SNTG1: variants seen among roughly 807,000 people sequenced by gnomAD.
SNTG1 encodes the protein gamma-1-syntrophin.
SNTG1 carries 39 observed loss-of-function variants against 74.7 expected under a neutral mutation model. That is an observed-to-expected ratio of 0.52 (90% CI 0.40 to 0.68). The LOEUF (loss-of-function observed/expected upper bound fraction) is 0.68, where lower values mean the gene tolerates loss of function less well. SNTG1 is among the 30% of genes least tolerant of loss of function. The pLI, the probability that SNTG1 is intolerant of heterozygous loss-of-function variation, is 0.00. For synonymous variants in SNTG1, 254 were observed against 217.1 expected (o/e 1.17, Z -1.49); for missense variants, 685 against 609.5 (o/e 1.12, Z -1.30).
Position 50,514,005 on chromosome 8 carries a change from C to T in SNTG1, c.466+11125C>T, listed in dbSNP as rs867546395. 1.1e-4 allele frequency among the ~76,000 whole-genome samples: 17 copies of T among 152,204 alleles called. No individual in the cohort carries two copies. In the East Asian group the frequency reaches 1.2e-3, roughly 10 times the overall value. ...CAGGAATCACCCGTCTTCTGCATCG[C>T]TCATGCTGGGAGCTGTAGACTGGAG... On this transcript the variant is annotated intron_variant, in intron 9 of 18. Coordinates refer to ENST00000642720, the MANE Select transcript of SNTG1 (RefSeq NM_018967.5).
At chr8:50,387,679 C>T (rs1232735332) in intron 2 of SNTG1, among the ~76,000 whole-genome samples, 3 of 152,116 alleles carry the variant, frequency 2.0e-5, no homozygotes, top group Non-Finnish European at 4.4e-5. Context: ...ACACGTATTT[C>T]CCAGAAGTCT....
intron 1 of SNTG1, among the ~76,000 whole-genome samples, chr8:49,977,638 G>A (rs1019519283): frequency 1.3e-5 from 2 of 152,218 alleles, no homozygotes; most frequent in Non-Finnish European, 2.9e-5. Context: ...GAAAGATGCT[G>A]ATGAAGATCC....
chr8:50,692,472 A>G (rs1278864732), intron 15 of SNTG1, among the ~76,000 whole-genome samples: 1 of 152,218 alleles, frequency 6.6e-6, no homozygotes, highest in African/African-American at 2.4e-5. Context: ...TCCAGCAGAC[A>G]GGACCCTTAG....
intron 1 of SNTG1, among the ~76,000 whole-genome samples, chr8:50,060,099 T>C (rs1313021828): frequency 6.6e-6 from 1 of 152,160 alleles, no homozygotes; most frequent in Non-Finnish European, 1.5e-5. Context: ...TCCTGATGGC[T>C]AATGATGGGA....
At chr8:50,543,575 A>G (rs1207638853) in intron 11 of SNTG1, among the ~76,000 whole-genome samples, 4 of 152,084 alleles carry the variant, frequency 2.6e-5, no homozygotes, top group Non-Finnish European at 5.9e-5. Flanking sequence ...TAGATGTAGC[A>G]CATTTAAAAA....
intron 13 of SNTG1, among the ~76,000 whole-genome samples, chr8:50,606,507 A>G (rs530339397): frequency 1.3e-5 from 2 of 152,126 alleles, no homozygotes; most frequent in South Asian, 2.1e-4. Flanking sequence ...ACAATAGACA[A>G]TTATGTTATC....
At chr8:50,570,691 C>G (rs2094544440) in intron 12 of SNTG1, among the ~76,000 whole-genome samples, 2 of 151,142 alleles carry the variant, frequency 1.3e-5, no homozygotes, top group Admixed American at 6.6e-5. Flanking sequence ...TGCAGCCTCT[C>G]CCTCCCAGGT....
rs549694072 is a variant in SNTG1 at position 49,956,697 on chromosome 8, T to C, written c.-103+44466T>C. 4.6e-5 allele frequency among the ~76,000 whole-genome samples: 7 copies of C among 152,312 alleles called. No individual in the cohort carries two copies. The South Asian group carries it at 1.5e-3, about 32-fold the overall frequency. On this transcript the variant is annotated intron_variant, in intron 1 of 18. Transcript: ENST00000642720. ...TTTCTCTTTTTTTTTAATTTTATTT[T>C]GCTAAACAGCTATATGAAAGGATCA...
chr8:50,755,103 G>C (rs551494136), intron 18 of SNTG1, among the ~76,000 whole-genome samples: 1 of 151,792 alleles, frequency 6.6e-6, no homozygotes, highest in Non-Finnish European at 1.5e-5. Flanking sequence ...AACTTACAGT[G>C]ACACATCATT....
chr8:50,672,804 G>A (rs1448366666), intron 15 of SNTG1, among the ~76,000 whole-genome samples: 1 of 152,080 alleles, frequency 6.6e-6, no homozygotes. Flanking sequence ...TTCTTCTAGG[G>A]TTTTTATGAT....
intron 2 of SNTG1, among the ~76,000 whole-genome samples, chr8:50,234,559 A>G (rs192494889): frequency 2.0e-5 from 3 of 152,144 alleles, no homozygotes; most frequent in East Asian, 1.9e-4. Context: ...ATTTTACCAT[A>G]CTTACATCAA....
chr8:50,431,634 G>T (rs751256921), intron 4 of SNTG1, among the ~76,000 whole-genome samples: 2 of 152,110 alleles, frequency 1.3e-5, no homozygotes, highest in African/African-American at 4.8e-5. Context: ...AATCTCTTTT[G>T]CATTCACACC....
intron 13 of SNTG1, among the ~76,000 whole-genome samples, chr8:50,614,477 A>T (rs1360584725): frequency 1.3e-5 from 2 of 151,996 alleles, no homozygotes; most frequent in Non-Finnish European, 2.9e-5. Flanking sequence ...TCTAAAAAAA[A>T]GAAATTGGAT....
intron 1 of SNTG1, among the ~76,000 whole-genome samples, chr8:49,969,117 G>A (rs981209314): frequency 2.0e-5 from 3 of 152,138 alleles, no homozygotes; most frequent in African/African-American, 7.2e-5. Flanking sequence ...TAATGGATTG[G>A]TGGCTTGTAT....
intron 3 of SNTG1, among the ~76,000 whole-genome samples, chr8:50,400,876 C>T (rs142800657): frequency 6.6e-6 from 1 of 152,190 alleles, no homozygotes; most frequent in Non-Finnish European, 1.5e-5. Flanking sequence ...AGCTCTGTTA[C>T]TCTAGTGCAC....
chr8:50,644,225 A>AGGT (rs2095092561), intron 13 of SNTG1: 3 of 152,256 alleles, frequency 2.0e-5, no homozygotes, highest in Admixed American at 2.0e-4. Flanking sequence ...TGGAAGAATA[A>AGGT]GAGGCCAGGT....
intron 1 of SNTG1, among the ~76,000 whole-genome samples, chr8:50,161,793 A>G (rs923369416): frequency 3.3e-5 from 5 of 152,214 alleles, no homozygotes; most frequent in African/African-American, 1.2e-4. Flanking sequence ...TCACCCAATC[A>G]AAACATCCTG....
At chr8:49,995,020 T>C (rs573936458) in intron 1 of SNTG1, among the ~76,000 whole-genome samples, 122 of 152,120 alleles carry the variant, frequency 8.0e-4, no homozygotes, top group African/African-American at 2.7e-3. Context: ...TTGAGTCCAA[T>C]GGTAAGATGA....
At chr8:50,324,193 C>A (rs1734947737) in intron 2 of SNTG1, among the ~76,000 whole-genome samples, 1 of 152,156 alleles carries the variant, frequency 6.6e-6, no homozygotes, top group Non-Finnish European at 1.5e-5. Flanking sequence ...ATTTTCCCTC[C>A]TTGTGCCGGC....
Sources: allele counts gnomAD v4.1 joint callset (sites outside exome capture counted in the v4.1 genomes callset), GRCh38; gene constraint gnomAD v4.1.1; transcripts MANE v1.5; gene names NCBI Gene and HGNC (gene_info 2026-07-23, HGNC 2026-07-21).